CENPP: variants seen among roughly 807,000 people sequenced by gnomAD.
CENPP encodes the protein centromere protein P.
Under a neutral mutation model 35.6 loss-of-function variants are expected in CENPP, and 24 were observed. The ratio of observed to expected loss-of-function variants is 0.67; its 90% CI spans 0.49 to 0.95. The LOEUF (loss-of-function observed/expected upper bound fraction) is 0.95. Among genes scored for constraint, CENPP ranks in the 40% least tolerant of loss-of-function variants. The pLI, the probability that CENPP is intolerant of heterozygous loss-of-function variation, is 0.00. For missense variants in CENPP, 332 were observed against 345.3 expected, an observed-to-expected ratio of 0.96 and a Z score of 0.31; for synonymous variants, 120 against 125.5, an observed-to-expected ratio of 0.96 and a Z score of 0.29.
chr9:92,335,588 T>G (rs553684557), intron 2 of CENPP, among the ~76,000 whole-genome samples: 17 of 152,246 alleles, frequency 1.1e-4, no homozygotes, highest in East Asian at 1.9e-4. Context: ...TTCTTTTTTT[T>G]TTTTGTTTTG....
At chr9:92,596,346 GT>G (rs34443151) in intron 5 of CENPP, among the ~76,000 whole-genome samples, 9,217 of 148,186 alleles carry the variant, frequency 0.062, 402 homozygotes, top group Middle Eastern at 0.23. Flanking sequence ...GCCCAGACCG[GT>G]TAGTTTTTAA....
chr9:92,441,089 ATGTT>A (rs1330723050), intron 5 of CENPP, among the ~76,000 whole-genome samples: 3 of 152,218 alleles, frequency 2.0e-5, no homozygotes, highest in African/African-American at 7.2e-5. Context: ...AGCTATCTGT[ATGTT>A]TAAGAAAACG....
At position 92,501,144 on chromosome 9, in the gene CENPP, C is replaced by T. The variant is rs1846649343; in HGVS notation, c.565-110170C>T. On this transcript the variant is annotated intron_variant, in intron 5 of 7. Coordinates refer to ENST00000375587, the MANE Select transcript of CENPP (RefSeq NM_001012267.3). ...GATAAGGCCAGTCTCGATGCTGGTC[C>T]ATTTTCCTATAAGCACCCAGTTTGT... The T allele has an allele frequency of 6.9e-6, 9 of 1,313,138 alleles. No individual in the cohort carries two copies. The South Asian group carries it at 1.3e-4, about 19-fold the overall frequency. The allele number at this position is 1,313,138 out of a possible 1,614,324, so 81.3% of individuals were successfully genotyped here.
intron 7 of CENPP, 88 bp from the exon 8 acceptor site, chr9:92,612,931 G>T: frequency 6.6e-7 from 1 of 1,508,480 alleles, no homozygotes; most frequent in East Asian, 2.3e-5. Context: ...GGAGTGCGGG[G>T]TCTTGGTGAG....
intron 5 of CENPP, among the ~76,000 whole-genome samples, chr9:92,546,771 A>G (rs1588263674): frequency 6.6e-6 from 1 of 152,234 alleles, no homozygotes; most frequent in East Asian, 1.9e-4. Flanking sequence ...AAATTGATAT[A>G]TTTAGATTAC....
chr9:92,522,865 A>T (rs756211991), intron 5 of CENPP: 4 of 1,590,500 alleles, frequency 2.5e-6, no homozygotes, highest in Non-Finnish European at 3.4e-6. Context: ...TGCAATCTTC[A>T]TGTTTGATTT....
chr9:92,559,384 C>A (rs1211991026), intron 5 of CENPP, among the ~76,000 whole-genome samples: 1 of 152,180 alleles, frequency 6.6e-6, no homozygotes, highest in Non-Finnish European at 1.5e-5. Context: ...CGCAAACAGA[C>A]CTTCAGCTTC....
chr9:92,386,314 TGTGA>T (rs780974574), intron 5 of CENPP: 85 of 1,518,820 alleles, frequency 5.6e-5, no homozygotes, highest in Non-Finnish European at 6.7e-5. Flanking sequence ...GAAAATTTCA[TGTGA>T]GTGTTATTGA....
intron 5 of CENPP, chr9:92,403,571 G>A (rs1843207053): frequency 4.0e-6 from 5 of 1,264,852 alleles, no homozygotes; most frequent in Admixed American, 3.8e-5. Context: ...CCAGAGAACA[G>A]TATTTAACCC....
At position 92,618,880 on chromosome 9, in the gene CENPP, G is replaced by C; in HGVS notation, c.*5731G>C. The C allele has an allele frequency of 2.9e-6, 1 of 341,416 alleles. No homozygotes were observed. The allele number at this position is 341,416 out of a possible 1,614,324, so 21.1% of individuals were successfully genotyped here. On this transcript the variant is annotated 3_prime_UTR_variant, in exon 8 of 8. Transcript: ENST00000375587. ...GTGGAACATTCCGCAAATACTGGGT[G>C]CAGGGTTTAGCACCCCTGAAGATCG...
chr9:92,461,804 A>T (rs192929126), intron 5 of CENPP, among the ~76,000 whole-genome samples: 315 of 152,272 alleles, frequency 2.1e-3, no homozygotes, highest in Middle Eastern at 0.01. Flanking sequence ...GTTACTTTGT[A>T]AGATTGTTTT....
At chr9:92,385,846 C>T in intron 5 of CENPP, 1 of 1,564,208 alleles carries the variant, frequency 6.4e-7, no homozygotes, top group African/African-American at 1.4e-5. Context: ...CTTTCATATG[C>T]TATATAATGG....
In CENPP at chr9:92,416,058, G is replaced by GTGTGTGTATA. The variant is rs6151074; in HGVS notation, c.564+36200_564+36201insGTGTGTATAT. ...ATAAATAAATATATTATATATGTGTGTATATATATATATTTATTTATTTAT... is the reference window on the plus strand; with the variant it reads ...ATAAATAAATATATTATATATGTGTGTGTGTGTATATATATATATATATTTATTTATTTAT... On this transcript the variant is annotated intron_variant, in intron 5 of 7. Transcript: ENST00000375587. Among the ~76,000 whole-genome samples the GTGTGTGTATA allele has an allele frequency of 6.9e-5, 9 of 130,916 alleles. No individual in the cohort carries two copies. In the Middle Eastern group the frequency reaches 0.012, roughly 176 times the overall value. The allele number at this position is 130,916 out of a possible 152,430, so 85.9% of individuals were successfully genotyped here.
At chr9:92,390,587 T>TGTGTGCGCGC (rs749697394) in intron 5 of CENPP, among the ~76,000 whole-genome samples, 38 of 141,914 alleles carry the variant, frequency 2.7e-4, no homozygotes, top group Non-Finnish European at 4.9e-4. Context: ...TGTGTGTGTG[T>TGTGTGCGCGC]GCGCGCGCGC....
intron 5 of CENPP, among the ~76,000 whole-genome samples, chr9:92,599,032 G>A (rs200076369): frequency 1.3e-5 from 2 of 151,854 alleles, no homozygotes; most frequent in East Asian, 1.9e-4. Flanking sequence ...CCCCAGAGGC[G>A]GAGGTTGCAG....
chr9:92,484,274 T>A (rs1237155569), intron 5 of CENPP, among the ~76,000 whole-genome samples: 2 of 152,168 alleles, frequency 1.3e-5, no homozygotes, highest in Non-Finnish European at 2.9e-5. Flanking sequence ...TTCTCATACA[T>A]CCAGAATCCC....
chr9:92,586,543 A>G (rs1033716226), intron 5 of CENPP, among the ~76,000 whole-genome samples: 2 of 152,144 alleles, frequency 1.3e-5, no homozygotes, highest in African/African-American at 2.4e-5. Flanking sequence ...TTGGATACAT[A>G]CTCAGAAAAG....
At chr9:92,375,983 A>G (rs151208739) in intron 4 of CENPP, among the ~76,000 whole-genome samples, 3 of 152,284 alleles carry the variant, frequency 2.0e-5, no homozygotes, top group Non-Finnish European at 4.4e-5. Context: ...AATAAGAAAA[A>G]AAGATATCTT....
chr9:92,564,415 C>T (rs1201320453), intron 5 of CENPP, among the ~76,000 whole-genome samples: 1 of 151,800 alleles, frequency 6.6e-6, no homozygotes, highest in African/African-American at 2.4e-5. Flanking sequence ...ATAAAGGTTA[C>T]TGTAGTAATC....
Sources: allele counts gnomAD v4.1 joint callset (sites outside exome capture counted in the v4.1 genomes callset), GRCh38; gene constraint gnomAD v4.1.1; transcripts MANE v1.5; gene names NCBI Gene and HGNC (gene_info 2026-07-23, HGNC 2026-07-21).